Variants in MYO1D observed in about 807,000 individuals in gnomAD.
The protein encoded by MYO1D is unconventional myosin-Id.
A neutral mutation model predicts 122.0 loss-of-function variants in MYO1D; 83 were observed. That is an observed-to-expected ratio of 0.68 (90% CI 0.57 to 0.82). MYO1D has a LOEUF of 0.82. Ranked by LOEUF, MYO1D falls within the 40% of genes least tolerant of loss-of-function variation. MYO1D has a pLI of 0.00. For missense variants in MYO1D, 1,157 were observed against 1,269.5 expected (o/e 0.91, Z 1.35); for synonymous variants, 464 against 446.9 (o/e 1.04, Z -0.48).
chr17:32,817,242 C>A (rs2151054622), intron 1 of MYO1D, among the ~76,000 whole-genome samples: 1 of 152,158 alleles, frequency 6.6e-6, no homozygotes, highest in South Asian at 2.1e-4. Flanking sequence ...AGTAATGTTA[C>A]AAGAATACAT....
At chr17:32,521,855 G>T (rs1910149964) in intron 21 of MYO1D, among the ~76,000 whole-genome samples, 1 of 152,022 alleles carries the variant, frequency 6.6e-6, no homozygotes. Context: ...AGGCCGAGGT[G>T]GGGGAATCAT....
At chr17:32,785,089 T>C (rs1316094722) in intron 1 of MYO1D, among the ~76,000 whole-genome samples, 1 of 152,088 alleles carries the variant, frequency 6.6e-6, no homozygotes. Flanking sequence ...AAAGGAAAAT[T>C]GGAGTTGTTT....
chr17:32,759,000 G>A (rs1393397422), intron 10 of MYO1D, among the ~76,000 whole-genome samples: 2 of 152,076 alleles, frequency 1.3e-5, no homozygotes, highest in African/African-American at 2.4e-5. Context: ...TTTTTGACTA[G>A]TACCTTGGAA....
chr17:32,787,388 C>CA (rs1428845223), intron 1 of MYO1D, among the ~76,000 whole-genome samples: 1 of 151,428 alleles, frequency 6.6e-6, no homozygotes, highest in Non-Finnish European at 1.5e-5. Flanking sequence ...ACTTGTCACC[C>CA]AAGCAGCAGT....
At chr17:32,518,951 G>A (rs552814587) in intron 21 of MYO1D, 2 of 152,278 alleles carry the variant, frequency 1.3e-5, no homozygotes, top group African/African-American at 4.8e-5. Context: ...CCCGGGTAGG[G>A]GATGTGCGCC....
intron 20 of MYO1D, among the ~76,000 whole-genome samples, chr17:32,610,841 AT>A (rs1305228895): frequency 1.3e-5 from 2 of 152,208 alleles, no homozygotes; most frequent in Non-Finnish European, 2.9e-5. Context: ...ACCTCATTGC[AT>A]TTGGGCAGCC....
At chr17:32,568,424 C>T (rs1161291821) in intron 21 of MYO1D, among the ~76,000 whole-genome samples, 1 of 152,182 alleles carries the variant, frequency 6.6e-6, no homozygotes, top group Non-Finnish European at 1.5e-5. Flanking sequence ...CGTCTCTAGT[C>T]TCATCCCTTT....
At chr17:32,876,195 A>C (rs200046249) in intron 1 of MYO1D, among the ~76,000 whole-genome samples, 2 of 152,206 alleles carry the variant, frequency 1.3e-5, no homozygotes, top group Non-Finnish European at 2.9e-5. Context: ...TAACTAAAAA[A>C]ATAGCCAGTG....
At chr17:32,539,057 T>C (rs1597883860) in intron 21 of MYO1D, among the ~76,000 whole-genome samples, 1 of 89,594 alleles carries the variant, frequency 1.1e-5, no homozygotes, top group Non-Finnish European at 3.0e-5. Flanking sequence ...CCATGGCACA[T>C]GTTTACCTAC....
chr17:32,831,661 T>C (rs2090772353), intron 1 of MYO1D, among the ~76,000 whole-genome samples: 1 of 152,236 alleles, frequency 6.6e-6, no homozygotes, highest in African/African-American at 2.4e-5. Flanking sequence ...TACAAAGTAA[T>C]AACCAGAATT....
intron 16 of MYO1D, among the ~76,000 whole-genome samples, chr17:32,695,892 T>A (rs2089165056): frequency 6.6e-6 from 1 of 152,226 alleles, no homozygotes; most frequent in Admixed American, 6.5e-5. Flanking sequence ...GAGTAGCAGT[T>A]CTCAAAGTGT....
At chr17:32,729,454 A>C (rs1477768799) in intron 14 of MYO1D, among the ~76,000 whole-genome samples, 2 of 152,204 alleles carry the variant, frequency 1.3e-5, no homozygotes, top group African/African-American at 4.8e-5. Flanking sequence ...GAAAGTGAGG[A>C]GCCAGGGACG....
chr17:32,744,183 C>T (rs538878407), intron 13 of MYO1D, among the ~76,000 whole-genome samples: 1 of 152,300 alleles, frequency 6.6e-6, no homozygotes, highest in East Asian at 1.9e-4. Flanking sequence ...TGTCAATACA[C>T]TCAAGCTCAT....
intron 21 of MYO1D, among the ~76,000 whole-genome samples, chr17:32,562,016 G>T (rs2087130740): frequency 1.3e-5 from 2 of 151,546 alleles, no homozygotes; most frequent in African/African-American, 4.8e-5. Context: ...TGGAGACAGG[G>T]GTCTTGCTGT....
intron 19 of MYO1D, among the ~76,000 whole-genome samples, chr17:32,644,539 G>T (rs958545142): frequency 6.6e-6 from 1 of 152,164 alleles, no homozygotes; most frequent in Non-Finnish European, 1.5e-5. Context: ...TTATTATTGT[G>T]TGGGAGTCTA....
intron 16 of MYO1D, among the ~76,000 whole-genome samples, chr17:32,681,134 T>C (rs1319530596): frequency 2.6e-5 from 4 of 152,050 alleles, no homozygotes; most frequent in Non-Finnish European, 4.4e-5. Context: ...TATTTGATTC[T>C]TCTCTCTTTT....
chr17:32,658,924 G>T, intron 17 of MYO1D, 191 bp downstream of exon 17: 1 of 603,014 alleles, frequency 1.7e-6, no homozygotes, highest in South Asian at 2.1e-5. Context: ...AAACAAATTG[G>T]CAGTTCCTTT....
In MYO1D at chr17:32,711,991, T is replaced by C. The variant is rs1293453602; in HGVS notation, c.2118A>G (p.Gln706=). The C allele has an allele frequency of 2.5e-6, 4 of 1,610,056 alleles. No homozygotes were observed. The highest frequency in any genetic ancestry group is 1.3e-5 in the African/African-American group (1 of 74,912). Residue 706 remains glutamine, a synonymous_variant, in exon 16 of 22, where the codon CAA becomes CAG. Coordinates refer to ENST00000318217, the MANE Select transcript of MYO1D (RefSeq NM_015194.3). ...QMLIRIVLFL[Q]KVWRGTLARM... is the part of the protein sequence containing the mutation. ...TATATATAAAATATAAAATTACCTTTTGTAGAAAGAGGACAATCCTTATGA... is the reference window on the plus strand; with the variant it reads ...TATATATAAAATATAAAATTACCTTCTGTAGAAAGAGGACAATCCTTATGA...
At chr17:32,847,816 G>C (rs2090951402) in intron 1 of MYO1D, among the ~76,000 whole-genome samples, 1 of 152,136 alleles carries the variant, frequency 6.6e-6, no homozygotes. Flanking sequence ...TGCCTAGCCA[G>C]AATAGTTATT....
Sources: gnomAD v4.1 joint callset for allele counts (sites outside exome capture counted in the v4.1 genomes callset) on GRCh38, gnomAD v4.1.1 for gene constraint, MANE v1.5 for transcripts, NCBI Gene and HGNC (gene_info 2026-07-23, HGNC 2026-07-21) for gene names.